HMBOX1: variants seen among roughly 807,000 people sequenced by gnomAD.
HMBOX1 encodes homeobox-containing protein 1.
Under a neutral mutation model 54.5 loss-of-function variants are expected in HMBOX1, and 14 were observed. The observed-to-expected ratio is 0.26, with a 90% CI of 0.17 to 0.40. HMBOX1 has a LOEUF of 0.40. Ranked by LOEUF, HMBOX1 falls within the 10% of genes least tolerant of loss-of-function variation. HMBOX1 has a pLI of 1.00. For missense variants in HMBOX1, 332 were observed against 514.4 expected (o/e 0.65, Z 3.43); for synonymous variants, 160 against 181.0 (o/e 0.88, Z 0.93).
chr8:28,953,107 G>C (rs1823805201), intron 1 of HMBOX1, among the ~76,000 whole-genome samples: 1 of 152,230 alleles, frequency 6.6e-6, no homozygotes. Flanking sequence ...TTATTTCCCA[G>C]TGAGTGTCTG....
intron 1 of HMBOX1, among the ~76,000 whole-genome samples, chr8:28,892,779 C>T (rs1331512015): frequency 6.6e-6 from 1 of 152,042 alleles, no homozygotes; most frequent in African/African-American, 2.4e-5. Context: ...GTAGAATATA[C>T]AATATGTTGA....
intron 6 of HMBOX1, among the ~76,000 whole-genome samples, chr8:29,032,249 T>G (rs1462306779): frequency 1.3e-5 from 2 of 150,386 alleles, no homozygotes; most frequent in African/African-American, 4.9e-5. Context: ...AACTCTTTCA[T>G]GCCAATGATT....
intron 1 of HMBOX1, among the ~76,000 whole-genome samples, chr8:28,913,641 A>G (rs1815913649): frequency 6.6e-6 from 1 of 152,178 alleles, no homozygotes; most frequent in Admixed American, 6.5e-5. Flanking sequence ...TAGGGTTAAG[A>G]ACCATGCATT....
Position 28,890,456 on chromosome 8 carries a change from A to G in HMBOX1, c.-280A>G, listed in dbSNP as rs906023630. 5.9e-5 allele frequency: 9 copies of G among 153,590 alleles called. No homozygotes were observed. Among genetic ancestry groups the G allele is most frequent in the African/African-American group, 1.9e-4 (8 of 41,584 alleles). 9.5% of individuals were successfully genotyped at this position (153,590 alleles called of 1,614,324 possible). A position where few individuals can be genotyped will look rare whatever the true frequency, so the allele number is the denominator to read the frequency against. On this transcript the variant is annotated 5_prime_UTR_variant, in exon 1 of 10. Coordinates refer to ENST00000287701, the MANE Select transcript of HMBOX1 (RefSeq NM_001135726.3). ...ACAGTCAGTCTGATGTGATTGAGAC[A>G]AGGGAGGTTTTTCAGGGGGAGACTG...
intron 1 of HMBOX1, among the ~76,000 whole-genome samples, chr8:28,960,655 G>T: frequency 6.9e-6 from 1 of 145,218 alleles, no homozygotes; most frequent in Non-Finnish European, 1.5e-5. Flanking sequence ...TATGATTTTT[G>T]CTTTATTACC....
intron 2 of HMBOX1, among the ~76,000 whole-genome samples, chr8:28,969,119 G>A (rs952870106): frequency 6.6e-6 from 1 of 152,128 alleles, no homozygotes; most frequent in African/African-American, 2.4e-5. Context: ...GTTGCAGTGA[G>A]CCAAGACTGC....
chr8:28,906,663 C>T (rs879587889), intron 1 of HMBOX1, among the ~76,000 whole-genome samples: 2 of 152,108 alleles, frequency 1.3e-5, no homozygotes, highest in South Asian at 2.1e-4. Context: ...GATCTCAGCT[C>T]ACTGCAACCT....
intron 1 of HMBOX1, among the ~76,000 whole-genome samples, chr8:28,914,154 T>C (rs1816060529): frequency 6.6e-6 from 1 of 152,060 alleles, no homozygotes; most frequent in African/African-American, 2.4e-5. Context: ...AGGCGTGAGC[T>C]ACCGTGCCTG....
chr8:28,903,934 A>C (rs1024814155), intron 1 of HMBOX1, among the ~76,000 whole-genome samples: 2 of 152,284 alleles, frequency 1.3e-5, no homozygotes, highest in Admixed American at 1.3e-4. Context: ...TGCTATTGCC[A>C]TGTAGTGGGT....
Position 29,048,956 on chromosome 8 carries a change from G to A in HMBOX1, c.1033G>A (p.Ala345Thr). Reference protein sequence around the residue: ...KEIKRRANIEAAILESHGIDV... With the variant: ...KEIKRRANIETAILESHGIDV... Reference sequence around the variant, plus strand: ...GGATCTATTTGCTTTTTTCGAAGAAGCAGCAATCCTGGAGAGTCATGGGAT... The same window carrying A: ...GGATCTATTTGCTTTTTTCGAAGAAACAGCAATCCTGGAGAGTCATGGGAT... Residue 345 changes from alanine to threonine, a missense_variant and splice_region_variant, in exon 9 of 10, where the codon GCA becomes ACA. Around this residue, in one of 4 missense-constraint regions of HMBOX1, gnomAD observed 69 missense variants for 104.6 expected, o/e 0.66. Coordinates refer to ENST00000287701, the MANE Select transcript of HMBOX1 (RefSeq NM_001135726.3). The A allele has an allele frequency of 6.3e-7, 1 of 1,593,738 alleles. No individual in the cohort carries two copies. Among genetic ancestry groups the A allele is most frequent in the Non-Finnish European group, 8.6e-7 (1 of 1,168,078 alleles).
At chr8:29,022,564 G>C (rs570051306) in intron 6 of HMBOX1, among the ~76,000 whole-genome samples, 6 of 152,224 alleles carry the variant, frequency 3.9e-5, no homozygotes, top group Admixed American at 3.3e-4. Context: ...TCCATGTATT[G>C]GATGTTGAAA....
chr8:28,919,739 T>G (rs1817211131), intron 1 of HMBOX1, among the ~76,000 whole-genome samples: 1 of 152,244 alleles, frequency 6.6e-6, no homozygotes, highest in Non-Finnish European at 1.5e-5. Flanking sequence ...TTATTTTCTT[T>G]TGGCAAAATC....
chr8:28,937,444 T>C (rs1201651613), intron 1 of HMBOX1, among the ~76,000 whole-genome samples: 1 of 152,204 alleles, frequency 6.6e-6, no homozygotes, highest in Non-Finnish European at 1.5e-5. Context: ...TGGAATTCTT[T>C]CATCATGGCT....
intron 1 of HMBOX1, among the ~76,000 whole-genome samples, chr8:28,920,097 C>T (rs1367331470): frequency 6.6e-6 from 1 of 152,040 alleles, no homozygotes; most frequent in African/African-American, 2.4e-5. Flanking sequence ...TTTTTTTCTA[C>T]ACTTCTTCCA....
At chr8:28,948,607 A>G (rs1004519198) in intron 1 of HMBOX1, among the ~76,000 whole-genome samples, 1 of 152,158 alleles carries the variant, frequency 6.6e-6, no homozygotes, top group African/African-American at 2.4e-5. Context: ...CATTTAGTAG[A>G]TCTTGAGTTT....
chr8:28,928,007 C>T (rs1436679818), intron 1 of HMBOX1, among the ~76,000 whole-genome samples: 5 of 151,660 alleles, frequency 3.3e-5, no homozygotes, highest in African/African-American at 1.2e-4. Flanking sequence ...TGGTGGCGTG[C>T]ACCTGTAGTC....
intron 3 of HMBOX1, among the ~76,000 whole-genome samples, chr8:28,972,534 C>A (rs1827602183): frequency 6.6e-6 from 1 of 152,158 alleles, no homozygotes; most frequent in Admixed American, 6.5e-5. Flanking sequence ...AGTTACTTCG[C>A]TCATTGAAAT....
At chr8:28,950,571 G>C (rs1823236147) in intron 1 of HMBOX1, among the ~76,000 whole-genome samples, 1 of 152,180 alleles carries the variant, frequency 6.6e-6, no homozygotes, top group South Asian at 2.1e-4. Context: ...CGAATCTGAA[G>C]ATCTGAAGTC....
intron 6 of HMBOX1, among the ~76,000 whole-genome samples, chr8:29,041,558 T>G (rs924135881): frequency 6.6e-6 from 1 of 152,114 alleles, no homozygotes; most frequent in Admixed American, 6.5e-5. Context: ...TAATACAAGA[T>G]GAAAGATATG....
Sources: allele counts gnomAD v4.1 joint callset (sites outside exome capture counted in the v4.1 genomes callset), GRCh38; gene constraint gnomAD v4.1.1; regional missense constraint gnomAD v4.1.1; transcripts MANE v1.5; gene names NCBI Gene and HGNC (gene_info 2026-07-23, HGNC 2026-07-21).